Variants in RBFOX1 observed in about 807,000 individuals in gnomAD.
RBFOX1 encodes RNA binding protein fox-1 homolog 1.
RBFOX1 carries 8 observed loss-of-function variants against 57.7 expected under a neutral mutation model. That is an observed-to-expected ratio of 0.14 (90% CI 0.08 to 0.25). The LOEUF is 0.25. RBFOX1 is among the 10% of genes least tolerant of loss of function. RBFOX1 has a pLI of 1.00. For synonymous variants in RBFOX1, 326 were observed against 222.4 expected, an observed-to-expected ratio of 1.47 and a Z score of -4.15; for missense variants, 611 against 548.5, an observed-to-expected ratio of 1.11 and a Z score of -1.14.
At chr16:5,329,167 A>T (rs1355266224) in intron 1 of RBFOX1, among the ~76,000 whole-genome samples, 1 of 152,248 alleles carries the variant, frequency 6.6e-6, no homozygotes, top group Non-Finnish European at 1.5e-5. Context: ...ACTAAAGTTG[A>T]AAACCGTATT....
chr16:6,803,673 C>T (rs145825040), intron 3 of RBFOX1, among the ~76,000 whole-genome samples: 1 of 152,158 alleles, frequency 6.6e-6, no homozygotes, highest in East Asian at 1.9e-4. Flanking sequence ...TCTCCCTGAA[C>T]AAATATGCAG....
At chr16:7,405,911 T>C (rs1382730840) in intron 4 of RBFOX1, among the ~76,000 whole-genome samples, 2 of 152,190 alleles carry the variant, frequency 1.3e-5, no homozygotes, top group African/African-American at 2.4e-5. Flanking sequence ...CATTTGGCCA[T>C]GTCCAGAGAC....
chr16:6,249,515 C>G (rs2097590376), intron 1 of RBFOX1, among the ~76,000 whole-genome samples: 1 of 151,976 alleles, frequency 6.6e-6, no homozygotes, highest in Non-Finnish European at 1.5e-5. Context: ...CAGAGGGAGA[C>G]TCCATCTCAA....
chr16:5,333,752 A>G (rs2064823869), intron 1 of RBFOX1, among the ~76,000 whole-genome samples: 1 of 152,238 alleles, frequency 6.6e-6, no homozygotes, highest in Admixed American at 6.5e-5. Flanking sequence ...ATTATGGTGT[A>G]CTTATCACTC....
chr16:6,380,948 G>A (rs1331702321), intron 2 of RBFOX1, among the ~76,000 whole-genome samples: 1 of 152,168 alleles, frequency 6.6e-6, no homozygotes, highest in African/African-American at 2.4e-5. Flanking sequence ...GCATTCTGGT[G>A]ATTGCTTGTC....
At chr16:6,786,969 C>G (rs1358535899) in intron 3 of RBFOX1, among the ~76,000 whole-genome samples, 2 of 152,080 alleles carry the variant, frequency 1.3e-5, no homozygotes, top group Non-Finnish European at 1.5e-5. Context: ...GACCATGTCT[C>G]CCTCTGCACA....
At chr16:7,625,402 C>T (rs534801268) in intron 10 of RBFOX1, among the ~76,000 whole-genome samples, 5 of 152,118 alleles carry the variant, frequency 3.3e-5, no homozygotes, top group African/African-American at 1.2e-4. Context: ...CACCTAGAAC[C>T]TTTACCCTTA....
rs192746449 is a variant in RBFOX1 at position 6,338,817 on chromosome 16, A to G, written c.-64+21760A>G. On this transcript the variant is annotated intron_variant, in intron 2 of 15. Coordinates refer to ENST00000550418, the MANE Select transcript of RBFOX1 (RefSeq NM_018723.4). Reference sequence around the variant, plus strand: ...AAAGTACGGAACAATTTGAACCTGTAGAAATGTATCCAAAGGAACTTAATC... The same window carrying G: ...AAAGTACGGAACAATTTGAACCTGTGGAAATGTATCCAAAGGAACTTAATC... Among the ~76,000 whole-genome samples the G allele has an allele frequency of 3.2e-3, 483 of 152,364 alleles. 7 individuals carry two copies. The highest frequency in any genetic ancestry group is 0.01 in the African/African-American group (416 of 41,590).
intron 1 of RBFOX1, among the ~76,000 whole-genome samples, chr16:5,300,120 C>G (rs1429367512): frequency 1.3e-5 from 2 of 151,530 alleles, no homozygotes; most frequent in Non-Finnish European, 2.9e-5. Context: ...CTTTTTGAGT[C>G]ATGAACCAAT....
At chr16:6,590,051 AAGG>A (rs1212595881) in intron 2 of RBFOX1, among the ~76,000 whole-genome samples, 1 of 152,196 alleles carries the variant, frequency 6.6e-6, no homozygotes, top group African/African-American at 2.4e-5. Flanking sequence ...CAAAAAGAAA[AAGG>A]AAAGAGAAAA....
intron 1 of RBFOX1, among the ~76,000 whole-genome samples, chr16:6,279,309 G>C (rs996042951): frequency 6.6e-6 from 1 of 152,126 alleles, no homozygotes; most frequent in Non-Finnish European, 1.5e-5. Flanking sequence ...GCCATAAATA[G>C]AATTTTATTA....
At chr16:7,394,041 T>G (rs540346307) in intron 4 of RBFOX1, among the ~76,000 whole-genome samples, 2 of 151,852 alleles carry the variant, frequency 1.3e-5, no homozygotes, top group East Asian at 3.9e-4. Flanking sequence ...TTGGAGACCA[T>G]CCTGGCCACA....
At chr16:6,360,760 T>C (rs958327352) in intron 2 of RBFOX1, among the ~76,000 whole-genome samples, 1 of 152,210 alleles carries the variant, frequency 6.6e-6, no homozygotes, top group Non-Finnish European at 1.5e-5. Context: ...CATTTGTTTT[T>C]CTCAGATGAC....
chr16:6,494,965 C>G (rs1220683478), intron 2 of RBFOX1, among the ~76,000 whole-genome samples: 1 of 152,100 alleles, frequency 6.6e-6, no homozygotes, highest in Non-Finnish European at 1.5e-5. Context: ...GAAGTATGTA[C>G]TACTGTTCTT....
chr16:5,322,111 G>C (rs78049820), intron 1 of RBFOX1, among the ~76,000 whole-genome samples: 3,120 of 152,268 alleles, frequency 0.02, 106 homozygotes, highest in African/African-American at 0.071. Context: ...TGACGCATCT[G>C]ATTCCAAAGC....
At chr16:6,300,347 A>T (rs530570391) in intron 1 of RBFOX1, among the ~76,000 whole-genome samples, 1 of 152,212 alleles carries the variant, frequency 6.6e-6, no homozygotes, top group Non-Finnish European at 1.5e-5. Context: ...CACAAAAAAG[A>T]TAAGTATACA....
chr16:6,637,067 A>G, intron 2 of RBFOX1, among the ~76,000 whole-genome samples: 1 of 87,368 alleles, frequency 1.1e-5, no homozygotes, highest in Non-Finnish European at 2.0e-5. Context: ...TATATGTATA[A>G]ATATGTTTAA....
chr16:7,506,347 C>G (rs138239126), intron 4 of RBFOX1, among the ~76,000 whole-genome samples: 2 of 152,040 alleles, frequency 1.3e-5, no homozygotes, highest in South Asian at 2.1e-4. Context: ...GTACCTGGCA[C>G]TAACAAGTTG....
intron 4 of RBFOX1, among the ~76,000 whole-genome samples, chr16:7,147,966 C>G (rs1601000769): frequency 6.6e-6 from 1 of 152,142 alleles, no homozygotes. Context: ...AGGAGTAATG[C>G]CTAGTTAGAA....
Sources: allele counts gnomAD v4.1 joint callset (sites outside exome capture counted in the v4.1 genomes callset), GRCh38; gene constraint gnomAD v4.1.1; transcripts MANE v1.5; gene names NCBI Gene and HGNC (gene_info 2026-07-23, HGNC 2026-07-21).